The following KHDRBS3 variants were observed in gnomAD, a reference collection of about 807,000 sequenced individuals.
KHDRBS3 encodes KH RNA binding domain containing, signal transduction associated 3.
In KHDRBS3, 23 loss-of-function variants were observed where a neutral mutation model predicts 45.6. The observed-to-expected ratio is 0.50, with a 90% confidence interval of 0.36 to 0.72. The LOEUF (loss-of-function observed/expected upper bound fraction) is 0.72. Among genes scored for constraint, KHDRBS3 ranks in the 30% least tolerant of loss-of-function variants. The pLI, the probability that KHDRBS3 is intolerant of heterozygous loss-of-function variation, is 0.00. For synonymous variants in KHDRBS3, 162 were observed against 156.5 expected (o/e 1.04, Z -0.26); for missense variants, 352 against 424.8 (o/e 0.83, Z 1.51).
chr8:135,573,373 G>A (rs1827798380), intron 5 of KHDRBS3, among the ~76,000 whole-genome samples: 1 of 152,200 alleles, frequency 6.6e-6, no homozygotes, highest in Non-Finnish European at 1.5e-5. Flanking sequence ...GAACTGACAT[G>A]AGTTGTACTT....
At chr8:135,532,859 A>C (rs533641935) in intron 2 of KHDRBS3, among the ~76,000 whole-genome samples, 100 of 152,256 alleles carry the variant, frequency 6.6e-4, no homozygotes, top group African/African-American at 2.3e-3. Flanking sequence ...ACTTTGAGAC[A>C]GTATCCTGAA....
intron 6 of KHDRBS3, among the ~76,000 whole-genome samples, chr8:135,589,625 T>G (rs1041403681): frequency 6.6e-6 from 1 of 152,224 alleles, no homozygotes; most frequent in African/African-American, 2.4e-5. Flanking sequence ...TCAAGCATAG[T>G]TAGCAGCATC....
At chr8:135,558,287 A>G (rs1205672076) in intron 5 of KHDRBS3, among the ~76,000 whole-genome samples, 1 of 151,300 alleles carries the variant, frequency 6.6e-6, no homozygotes, top group Non-Finnish European at 1.5e-5. Flanking sequence ...AAATGTTTTG[A>G]AGAAGTCATA....
chr8:135,635,978 G>A (rs4909497), intron 7 of KHDRBS3, among the ~76,000 whole-genome samples: 149,617 of 152,340 alleles, frequency 0.98, 73,531 homozygotes, highest in East Asian at 1. Context: ...GTTTTCCAAA[G>A]CTGCAGTTTT....
intron 1 of KHDRBS3, among the ~76,000 whole-genome samples, chr8:135,483,032 G>T (rs546290927): frequency 2.0e-5 from 3 of 152,068 alleles, no homozygotes; most frequent in African/African-American, 7.2e-5. Flanking sequence ...TATTCCTGGA[G>T]ACAATATCAT....
chr8:135,482,958 T>C (rs1426373574), intron 1 of KHDRBS3, among the ~76,000 whole-genome samples: 1 of 151,498 alleles, frequency 6.6e-6, no homozygotes, highest in East Asian at 1.9e-4. Flanking sequence ...GCTGTTTCCA[T>C]CAGAACATCT....
chr8:135,630,660 G>A (rs1239591264), intron 7 of KHDRBS3, among the ~76,000 whole-genome samples: 1 of 152,108 alleles, frequency 6.6e-6, no homozygotes, highest in Non-Finnish European at 1.5e-5. Context: ...ATGCTTCTAG[G>A]CTACAGACCT....
At chr8:135,567,873 A>G (rs972539233) in intron 5 of KHDRBS3, among the ~76,000 whole-genome samples, 4 of 152,222 alleles carry the variant, frequency 2.6e-5, no homozygotes, top group African/African-American at 4.8e-5. Flanking sequence ...GAATTAAAAA[A>G]TTTCTTTCTT....
At chr8:135,613,498 C>T (rs1364929810) in intron 7 of KHDRBS3, among the ~76,000 whole-genome samples, 2 of 151,614 alleles carry the variant, frequency 1.3e-5, no homozygotes, top group Admixed American at 6.6e-5. Context: ...TTGTCCACTC[C>T]GTTGTCTCTG....
Position 135,647,219 on chromosome 8 carries a change from A to C in KHDRBS3, c.*135A>C. On this transcript the variant is annotated 3_prime_UTR_variant, in exon 9 of 9. Coordinates refer to ENST00000355849, the MANE Select transcript of KHDRBS3 (RefSeq NM_006558.3). ...ATCTGAATGGATGGAACTTAAAACT[A>C]CTTTGTTGAAACATCAACCTGGGCA... 3.0e-6 allele frequency: 1 copy of C among 333,554 alleles called. No homozygotes were observed. The highest frequency in any genetic ancestry group is 5.4e-6 in the Non-Finnish European group (1 of 184,102). 20.7% of individuals were successfully genotyped at this position (333,554 alleles called of 1,614,324 possible).
At chr8:135,635,129 A>G (rs980853430) in intron 7 of KHDRBS3, among the ~76,000 whole-genome samples, 2 of 152,224 alleles carry the variant, frequency 1.3e-5, no homozygotes, top group Admixed American at 6.5e-5. Context: ...AAATTTATCA[A>G]TCATTAAATG....
chr8:135,565,312 G>A (rs1431939806), intron 5 of KHDRBS3, among the ~76,000 whole-genome samples: 1 of 152,086 alleles, frequency 6.6e-6, no homozygotes, highest in Non-Finnish European at 1.5e-5. Context: ...AAGAAGAAGT[G>A]GGTGATTTTT....
intron 7 of KHDRBS3, among the ~76,000 whole-genome samples, chr8:135,615,833 C>T (rs888618039): frequency 1.3e-5 from 2 of 152,126 alleles, no homozygotes; most frequent in Non-Finnish European, 1.5e-5. Context: ...GAATGCTGCA[C>T]TGAGCATTTG....
chr8:135,477,639 A>T (rs139294408), intron 1 of KHDRBS3, among the ~76,000 whole-genome samples: 389 of 152,320 alleles, frequency 2.6e-3, no homozygotes, highest in African/African-American at 9.0e-3. Flanking sequence ...ACATGTCCTT[A>T]TCCATTCCCC....
At chr8:135,523,730 G>T (rs1223706161) in intron 2 of KHDRBS3, among the ~76,000 whole-genome samples, 2 of 152,006 alleles carry the variant, frequency 1.3e-5, no homozygotes, top group Admixed American at 1.3e-4. Flanking sequence ...ATTAGTTACA[G>T]GTTTTTTTGG....
chr8:135,634,149 T>C (rs1343707745), intron 7 of KHDRBS3, among the ~76,000 whole-genome samples: 2 of 152,246 alleles, frequency 1.3e-5, no homozygotes, highest in Non-Finnish European at 2.9e-5. Flanking sequence ...TGTTAACTCT[T>C]AATTAAATGG....
At chr8:135,587,142 T>G (rs1014874209) in intron 6 of KHDRBS3, among the ~76,000 whole-genome samples, 1 of 152,222 alleles carries the variant, frequency 6.6e-6, no homozygotes, top group Non-Finnish European at 1.5e-5. Flanking sequence ...AAAATGTGCC[T>G]ATTGAAATTC....
At chr8:135,616,411 C>T (rs1178077998) in intron 7 of KHDRBS3, among the ~76,000 whole-genome samples, 2 of 152,162 alleles carry the variant, frequency 1.3e-5, no homozygotes, top group South Asian at 2.1e-4. Context: ...TATGACAACA[C>T]GGTAGTGGGG....
chr8:135,624,881 T>G (rs1024841569), intron 7 of KHDRBS3, among the ~76,000 whole-genome samples: 2 of 152,208 alleles, frequency 1.3e-5, no homozygotes, highest in Non-Finnish European at 2.9e-5. Flanking sequence ...GTCAGCATAT[T>G]ATATAACACC....
Sources: allele counts gnomAD v4.1 joint callset (sites outside exome capture counted in the v4.1 genomes callset), GRCh38; gene constraint gnomAD v4.1.1; transcripts MANE v1.5; gene names NCBI Gene and HGNC (gene_info 2026-07-23, HGNC 2026-07-21).